Variants in ZNF385B observed in about 807,000 individuals in gnomAD.
The protein encoded by ZNF385B is zinc finger protein 385B, also known as zinc finger protein 533.
ZNF385B carries 23 observed loss-of-function variants against 39.2 expected under a neutral mutation model. That is an observed-to-expected ratio of 0.59 (90% CI 0.42 to 0.83). The LOEUF (loss-of-function observed/expected upper bound fraction) is 0.83, where lower values mean the gene tolerates loss of function less well. Among genes scored for constraint, ZNF385B ranks in the 40% least tolerant of loss-of-function variants. The pLI is 0.00. For missense variants in ZNF385B, 552 were observed against 598.9 expected, an observed-to-expected ratio of 0.92 and a Z score of 0.82; for synonymous variants, 205 against 222.6, an observed-to-expected ratio of 0.92 and a Z score of 0.70.
intron 1 of ZNF385B, among the ~76,000 whole-genome samples, chr2:179,854,168 G>C (rs1010610026): frequency 1.0e-3 from 156 of 152,230 alleles, no homozygotes; most frequent in African/African-American, 3.6e-3. Context: ...GTGAGAAAAA[G>C]TTTTTTCACA....
intron 3 of ZNF385B, among the ~76,000 whole-genome samples, chr2:179,559,640 G>A (rs969143820): frequency 4.2e-5 from 6 of 143,348 alleles, no homozygotes; most frequent in South Asian, 4.5e-4. Context: ...CTTGACTGTC[G>A]GGTTTTTTTT....
At chr2:179,456,032 C>T (rs1238022977) in intron 6 of ZNF385B, among the ~76,000 whole-genome samples, 1 of 152,042 alleles carries the variant, frequency 6.6e-6, no homozygotes, top group African/African-American at 2.4e-5. Flanking sequence ...TGCACAATGA[C>T]AAAATAGCCT....
rs1234611688 is a variant in ZNF385B, at chr2:179,493,607, A to ATGTG, written c.553-10174_553-10173insCACA. Among the ~76,000 whole-genome samples the ATGTG allele has an allele frequency of 3.9e-5, 4 of 101,522 alleles. No homozygotes were observed. The East Asian group carries it at 1.5e-3, about 39-fold the overall frequency. The allele number at this position is 101,522 out of a possible 152,430, so 66.6% of individuals were successfully genotyped here. ...TGTGTACATATATGCGTATACATAT[A>ATGTG]TGTACGTACATATATGTATACGCAT... On this transcript the variant is annotated intron_variant, in intron 5 of 9. Transcript: ENST00000410066.
intron 3 of ZNF385B, among the ~76,000 whole-genome samples, chr2:179,578,155 C>T (rs1450315058): frequency 2.6e-5 from 4 of 152,064 alleles, no homozygotes; most frequent in Non-Finnish European, 4.4e-5. Context: ...CATTTAAGTA[C>T]TATAGACTTC....
chr2:179,764,634 A>C (rs1356793164), intron 3 of ZNF385B, among the ~76,000 whole-genome samples: 7 of 152,186 alleles, frequency 4.6e-5, no homozygotes, highest in African/African-American at 1.7e-4. Context: ...TGCCATTAAT[A>C]TTATAATGAT....
At chr2:179,780,271 A>G (rs553743385) in intron 1 of ZNF385B, among the ~76,000 whole-genome samples, 10 of 152,168 alleles carry the variant, frequency 6.6e-5, no homozygotes, top group Non-Finnish European at 1.3e-4. Context: ...GCCCCTAGAA[A>G]AGACACAAAA....
chr2:179,716,210 G>C (rs1014362405), intron 3 of ZNF385B, among the ~76,000 whole-genome samples: 5 of 152,102 alleles, frequency 3.3e-5, no homozygotes. Context: ...GTGACAAATA[G>C]GCCCAGAGAA....
intron 3 of ZNF385B, among the ~76,000 whole-genome samples, chr2:179,545,800 A>G (rs919609572): frequency 1.3e-5 from 2 of 152,192 alleles, no homozygotes; most frequent in Non-Finnish European, 2.9e-5. Context: ...TATGAGGCAC[A>G]CAAGATATTT....
chr2:179,519,736 T>C (rs1259815820), intron 4 of ZNF385B, among the ~76,000 whole-genome samples: 2 of 152,176 alleles, frequency 1.3e-5, no homozygotes, highest in African/African-American at 2.4e-5. Context: ...AGATGTAATA[T>C]GAATGAGGAC....
intron 1 of ZNF385B, among the ~76,000 whole-genome samples, chr2:179,779,747 G>A (rs1335068524): frequency 1.3e-5 from 2 of 152,166 alleles, no homozygotes; most frequent in Non-Finnish European, 2.9e-5. Flanking sequence ...AGAGACTAGT[G>A]TCAGGGATGA....
At chr2:179,848,588 G>A (rs571413826) in intron 1 of ZNF385B, among the ~76,000 whole-genome samples, 1 of 152,328 alleles carries the variant, frequency 6.6e-6, no homozygotes, top group South Asian at 2.1e-4. Context: ...ATTTTGATCT[G>A]GGTGAGATAC....
intron 5 of ZNF385B, among the ~76,000 whole-genome samples, chr2:179,490,316 A>AAC (rs143318849): frequency 0.14 from 21,140 of 150,010 alleles, 1,560 homozygotes; most frequent in Non-Finnish European, 0.17. Flanking sequence ...TACACACACA[A>AAC]ACACACACAC....
chr2:179,580,222 A>T (rs1322484735), intron 3 of ZNF385B, among the ~76,000 whole-genome samples: 1 of 152,178 alleles, frequency 6.6e-6, no homozygotes, highest in South Asian at 2.1e-4. Flanking sequence ...ATTTTATCAC[A>T]TTTTAATTTC....
chr2:179,501,944 A>C (rs942520138), intron 5 of ZNF385B, among the ~76,000 whole-genome samples: 3 of 152,192 alleles, frequency 2.0e-5, no homozygotes, highest in African/African-American at 7.2e-5. Flanking sequence ...ATAATCCCTT[A>C]CTGGTGGATA....
At chr2:179,826,108 G>A (rs1384801774) in intron 1 of ZNF385B, among the ~76,000 whole-genome samples, 1 of 152,156 alleles carries the variant, frequency 6.6e-6, no homozygotes. Flanking sequence ...AGGTAAATAA[G>A]TTACCAAATT....
chr2:179,559,635 C>T (rs1400315825), intron 3 of ZNF385B, among the ~76,000 whole-genome samples: 1 of 147,438 alleles, frequency 6.8e-6, no homozygotes, highest in Non-Finnish European at 1.5e-5. Context: ...TACAACTTGA[C>T]TGTCGGGTTT....
intron 4 of ZNF385B, among the ~76,000 whole-genome samples, chr2:179,519,556 C>T (rs566034476): frequency 1.3e-5 from 2 of 152,226 alleles, no homozygotes; most frequent in South Asian, 4.1e-4. Context: ...AAAAGTATGG[C>T]ACATAGTCAT....
intron 4 of ZNF385B, among the ~76,000 whole-genome samples, chr2:179,540,493 C>CAAA (rs199749445): frequency 6.6e-6 from 1 of 151,402 alleles, no homozygotes; most frequent in African/African-American, 2.4e-5. Context: ...ACAACAACAA[C>CAAA]AACAAAAAAA....
intron 3 of ZNF385B, among the ~76,000 whole-genome samples, chr2:179,725,007 A>C (rs1467293008): frequency 1.3e-5 from 2 of 152,154 alleles, no homozygotes; most frequent in African/African-American, 4.8e-5. Flanking sequence ...TTAGTATTTA[A>C]CTTGAGAAAA....
Sources: gnomAD v4.1 joint callset for allele counts (sites outside exome capture counted in the v4.1 genomes callset) on GRCh38, gnomAD v4.1.1 for gene constraint, MANE v1.5 for transcripts, NCBI Gene and HGNC (gene_info 2026-07-23, HGNC 2026-07-21) for gene names.